Variants in AGFG1 observed in about 807,000 individuals in gnomAD.
AGFG1 encodes ArfGAP with FG repeats 1.
In AGFG1, 10 loss-of-function variants were observed where a neutral mutation model predicts 60.6. The observed-to-expected ratio is 0.16, with a 90% CI of 0.10 to 0.28. The LOEUF is 0.28. Ranked by LOEUF, AGFG1 falls within the 10% of genes least tolerant of loss-of-function variation. The pLI is 1.00. For missense variants in AGFG1, 537 were observed against 676.5 expected (o/e 0.79, Z 2.29); for synonymous variants, 247 against 242.9 (o/e 1.02, Z -0.16).
At chr2:227,550,716 C>T (rs1197842078) in intron 10 of AGFG1, among the ~76,000 whole-genome samples, 2 of 152,108 alleles carry the variant, frequency 1.3e-5, no homozygotes, top group African/African-American at 4.8e-5. Context: ...ACAGGGATTA[C>T]TTTGGGCAAC....
At chr2:227,507,676 TAAA>T (rs1691366747) in intron 2 of AGFG1, among the ~76,000 whole-genome samples, 1 of 146,082 alleles carries the variant, frequency 6.8e-6, no homozygotes, top group South Asian at 2.2e-4. Context: ...TTTTTATAAA[TAAA>T]AGTTATTTAC....
intron 2 of AGFG1, among the ~76,000 whole-genome samples, chr2:227,504,305 A>G (rs1321876624): frequency 6.7e-6 from 1 of 150,298 alleles, no homozygotes; most frequent in Admixed American, 6.7e-5. Flanking sequence ...TGACTCTCCC[A>G]CCTCAGCCTC....
chr2:227,497,730 G>GTTTTTTTTTTTTTTTTTTTTT lies in AGFG1; in HGVS notation c.261+6094_261+6095insTTTTTTTTTTTTTTTTTTTTT, dbSNP rs148621752. On this transcript the variant is annotated intron_variant, in intron 2 of 12. Coordinates refer to ENST00000310078, the MANE Select transcript of AGFG1 (RefSeq NM_004504.5). The stretch of plus-strand genomic sequence containing the variant: ...ATATAGCCAAATGAGTTTCTTTCTT[G>GTTTTTTTTTTTTTTTTTTTTT]TTTTGTTTTTTTTTTTTTTTTTTTT... 2.1e-4 allele frequency among the ~76,000 whole-genome samples: 8 copies of GTTTTTTTTTTTTTTTTTTTTT among 38,940 alleles called. 1 individual carries two copies. Among genetic ancestry groups the GTTTTTTTTTTTTTTTTTTTTT allele is most frequent in the African/African-American group, 6.0e-4 (8 of 13,228 alleles). 25.5% of individuals were successfully genotyped at this position (38,940 alleles called of 152,430 possible). A position where few individuals can be genotyped will look rare whatever the true frequency, so the allele number is the denominator to read the frequency against.
In AGFG1 at chr2:227,497,730, G is replaced by GTTTTTTTTTTTTTTTTTTTTTTTTTTTT. The variant is rs148621752; in HGVS notation, c.261+6094_261+6095insTTTTTTTTTTTTTTTTTTTTTTTTTTTT. Reference sequence around the variant, plus strand: ...ATATAGCCAAATGAGTTTCTTTCTTGTTTTGTTTTTTTTTTTTTTTTTTTT... The same window carrying GTTTTTTTTTTTTTTTTTTTTTTTTTTTT: ...ATATAGCCAAATGAGTTTCTTTCTTGTTTTTTTTTTTTTTTTTTTTTTTTTTTTTTTTGTTTTTTTTTTTTTTTTTTTT... On this transcript the variant is annotated intron_variant, in intron 2 of 12. Transcript: ENST00000310078. Among the ~76,000 whole-genome samples the GTTTTTTTTTTTTTTTTTTTTTTTTTTTT allele has an allele frequency of 5.1e-5, 2 of 38,926 alleles. 1 individual carries two copies. Among genetic ancestry groups the GTTTTTTTTTTTTTTTTTTTTTTTTTTTT allele is most frequent in the African/African-American group, 1.5e-4 (2 of 13,232 alleles). 25.5% of individuals were successfully genotyped at this position (38,926 alleles called of 152,430 possible). A position where few individuals can be genotyped will look rare whatever the true frequency, so the allele number is the denominator to read the frequency against.
At chr2:227,480,512 G>A (rs1690425545) in intron 1 of AGFG1, among the ~76,000 whole-genome samples, 1 of 151,854 alleles carries the variant, frequency 6.6e-6, no homozygotes. Flanking sequence ...TGATTCTCCT[G>A]CCTCAGCCTC....
intron 10 of AGFG1, chr2:227,549,929 G>A: frequency 3.2e-6 from 1 of 309,438 alleles, no homozygotes; most frequent in Non-Finnish European, 6.6e-6. Flanking sequence ...TTTTTGTTAT[G>A]TATTATGCTA....
intron 10 of AGFG1, among the ~76,000 whole-genome samples, chr2:227,545,003 T>C (rs1018555570): frequency 2.0e-5 from 3 of 152,314 alleles, no homozygotes; most frequent in African/African-American, 7.2e-5. Flanking sequence ...GAAGGTTGGC[T>C]TGCCTTGCTA....
In AGFG1 at chr2:227,521,025, A is replaced by G. The variant is rs562644376; in HGVS notation, c.377+962A>G. Among the ~76,000 whole-genome samples the G allele has an allele frequency of 7.2e-5, 11 of 152,182 alleles. No homozygotes were observed. The East Asian group carries it at 1.9e-3, about 27-fold the overall frequency. On this transcript the variant is annotated intron_variant, in intron 3 of 12. Coordinates refer to ENST00000310078, the MANE Select transcript of AGFG1 (RefSeq NM_004504.5). The stretch of plus-strand genomic sequence containing the variant: ...ACATTAGCTCTGACTTGCATGCTCT[A>G]TCAAAATTTGTATTCTTACTACTTT...
intron 6 of AGFG1, among the ~76,000 whole-genome samples, chr2:227,532,890 GT>G (rs1248464941): frequency 6.6e-6 from 1 of 152,044 alleles, no homozygotes; most frequent in Non-Finnish European, 1.5e-5. Flanking sequence ...GTGAATTGTG[GT>G]TTATAAAGTC....
At chr2:227,553,250 C>T (rs1035824732) in intron 11 of AGFG1, among the ~76,000 whole-genome samples, 1 of 152,120 alleles carries the variant, frequency 6.6e-6, no homozygotes, top group African/African-American at 2.4e-5. Flanking sequence ...ATAATCCCAG[C>T]CCTTTGGGAG....
intron 1 of AGFG1, among the ~76,000 whole-genome samples, chr2:227,481,043 G>T (rs563737964): frequency 4.2e-5 from 6 of 141,208 alleles, no homozygotes; most frequent in Middle Eastern, 4.0e-3. Flanking sequence ...TCTTCCTGCT[G>T]TTCAGAACCT....
At chr2:227,524,046 G>A in intron 4 of AGFG1, 121 bp downstream of exon 4, 1 of 1,001,770 alleles carries the variant, frequency 1.0e-6, no homozygotes, top group Non-Finnish European at 1.5e-6. Context: ...TGTTCCAATG[G>A]TTTGTTATAC....
intron 2 of AGFG1, among the ~76,000 whole-genome samples, chr2:227,511,680 G>T (rs1157514177): frequency 1.3e-5 from 2 of 152,168 alleles, no homozygotes; most frequent in East Asian, 3.8e-4. Context: ...ACATTTGAGG[G>T]CTGTTAAGGA....
chr2:227,545,121 A>C (rs1026463432), intron 10 of AGFG1, among the ~76,000 whole-genome samples: 5 of 152,070 alleles, frequency 3.3e-5, no homozygotes, highest in Admixed American at 3.3e-4. Context: ...TGGTCTTTTC[A>C]CATAGTCCCG....
chr2:227,553,691 C>T lies in AGFG1; in HGVS notation c.1538-13C>T, dbSNP rs759696538. 1.2e-6 allele frequency: 2 copies of T among 1,609,854 alleles called. No homozygotes were observed. The highest frequency in any genetic ancestry group is 2.2e-5 in the South Asian group (2 of 90,900). On this transcript the variant is annotated splice_polypyrimidine_tract_variant and intron_variant, in intron 11 of 12. Transcript: ENST00000310078. ...AAGGTATGGGTTATAATTGGTGGTT[C>T]TATTTTAACAAGGTGCAGGTTTTGC...
intron 2 of AGFG1, among the ~76,000 whole-genome samples, chr2:227,493,066 C>A (rs2106171029): frequency 6.6e-6 from 1 of 152,144 alleles, no homozygotes; most frequent in African/African-American, 2.4e-5. Context: ...GTGATAACAG[C>A]AGTCAATTGA....
intron 5 of AGFG1, among the ~76,000 whole-genome samples, chr2:227,527,395 G>A (rs1341692616): frequency 6.6e-6 from 1 of 152,078 alleles, no homozygotes; most frequent in Admixed American, 6.5e-5. Context: ...ATGTATGTTT[G>A]TATGTTTACA....
rs574123196 is a variant in AGFG1, at chr2:227,555,581, A to G, written c.*1086A>G. Reference sequence around the variant, plus strand: ...TTTTTTGGGCAAACTGATATTATCTATAGGATATTTGTTTATGTTTGTTTT... The same window carrying G: ...TTTTTTGGGCAAACTGATATTATCTGTAGGATATTTGTTTATGTTTGTTTT... On this transcript the variant is annotated 3_prime_UTR_variant, in exon 13 of 13. Transcript: ENST00000310078. 8 of 152,542 alleles carry G rather than the reference A, an allele frequency of 5.2e-5. 1 individual carries two copies. In the South Asian group the frequency reaches 1.5e-3, roughly 28 times the overall value. 9.4% of individuals were successfully genotyped at this position (152,542 alleles called of 1,614,324 possible). A position where few individuals can be genotyped will look rare whatever the true frequency, so the allele number is the denominator to read the frequency against.
Position 227,556,031 on chromosome 2 carries a change from C to T in AGFG1, c.*1536C>T, listed in dbSNP as rs1387816243. 2 of 152,228 alleles carry T rather than the reference C, an allele frequency of 1.3e-5. No homozygotes were observed. The highest frequency in any genetic ancestry group is 2.9e-5 in the Non-Finnish European group (2 of 68,042). 9.4% of individuals were successfully genotyped at this position (152,228 alleles called of 1,614,324 possible). ...GGCCATTAGTGTAAGGACCGCTACC[C>T]AGCCTAGAGGACATCACTATACTAC... On this transcript the variant is annotated 3_prime_UTR_variant, in exon 13 of 13. Coordinates refer to ENST00000310078, the MANE Select transcript of AGFG1 (RefSeq NM_004504.5).
Sources: gnomAD v4.1 joint callset for allele counts (sites outside exome capture counted in the v4.1 genomes callset) on GRCh38, gnomAD v4.1.1 for gene constraint, MANE v1.5 for transcripts, NCBI Gene and HGNC (gene_info 2026-07-23, HGNC 2026-07-21) for gene names.